The following TMEM223 variants were observed in gnomAD, a reference collection of about 807,000 sequenced individuals.
The protein encoded by TMEM223 is transmembrane protein 223.
Under a neutral mutation model 14.1 loss-of-function variants are expected in TMEM223, and 14 were observed. The ratio of observed to expected loss-of-function variants is 0.99; its 90% CI spans 0.66 to 1.55. The LOEUF is 1.55. Among genes scored for constraint, TMEM223 ranks in the 40% most tolerant of loss-of-function variants. The pLI is 0.00. For missense variants in TMEM223, 346 were observed against 269.9 expected, an observed-to-expected ratio of 1.28 and a Z score of -1.97; for synonymous variants, 145 against 120.5, an observed-to-expected ratio of 1.20 and a Z score of -1.33.
downstream of TMEM223, chr11:62,789,965 C>T (rs775801031): frequency 3.7e-6 from 6 of 1,614,028 alleles, no homozygotes; most frequent in African/African-American, 4.0e-5. Flanking sequence ...GAAGCCACCC[C>T]ATACCGGCCT....
At chr11:62,788,138 C>T (rs868362026), downstream of TMEM223, among the ~76,000 whole-genome samples, 2 of 152,258 alleles carry the variant, frequency 1.3e-5, no homozygotes, top group Non-Finnish European at 2.9e-5. Flanking sequence ...CGCGGTGACT[C>T]ACGCCTGTAA....
Position 62,777,975 on chromosome 11 carries a change from C to T in TMEM223, c.315-3310G>A, listed in dbSNP as rs1288042293. 9.3e-6 allele frequency: 15 copies of T among 1,613,276 alleles called. No individual in the cohort carries two copies. The South Asian group carries it at 1.5e-4, about 17-fold the overall frequency. Reference sequence around the variant, plus strand: ...GCTGCTCTCCAATTCCCTTTTTCCTCAGGCTGTGTGTGGTTACGGATCACA... The same window carrying T: ...GCTGCTCTCCAATTCCCTTTTTCCTTAGGCTGTGTGTGGTTACGGATCACA... On this transcript the variant is annotated intron_variant, in intron 1 of 2. Transcript: ENST00000528367.
intron 1 of TMEM223, among the ~76,000 whole-genome samples, chr11:62,781,109 G>A (rs1181347102): frequency 2.6e-5 from 4 of 151,422 alleles, no homozygotes; most frequent in Admixed American, 6.6e-5. Context: ...GGTGGTGGGC[G>A]CCTGTAATCC....
chr11:62,775,041 C>A (rs544497303), intron 1 of TMEM223, among the ~76,000 whole-genome samples: 1 of 145,604 alleles, frequency 6.9e-6, no homozygotes, highest in Non-Finnish European at 1.5e-5. Flanking sequence ...TCCAGCCTGG[C>A]GCCAGAGCGA....
chr11:62,790,870 A>G lies in TMEM223; in HGVS notation c.362T>C (p.Val121Ala). The G allele has an allele frequency of 6.2e-7, 1 of 1,604,494 alleles. No homozygotes were observed. The highest frequency in any genetic ancestry group is 2.2e-5 in the East Asian group (1 of 44,528). ...TCCAGCTCGAAGCACCACTGAGCGC[A>G]CAGACCGGAGAGAGAAGAGAAGACC... ...GAGLLFSLRS[V>A]RSVVLRAGGQ... The change falls in exon 2 of 2, where the codon GTG (valine) becomes GCG (alanine). Residue 121 changes from valine to alanine, a missense_variant. Transcript: ENST00000307366.
At chr11:62,786,516 G>A (rs2084277595), downstream of TMEM223, 1 of 1,557,462 alleles carries the variant, frequency 6.4e-7, no homozygotes, top group Non-Finnish European at 8.7e-7. Flanking sequence ...GGCTCTTACA[G>A]GTGGCGGTAG....
At chr11:62,777,356 G>A (rs192874509) in intron 1 of TMEM223, among the ~76,000 whole-genome samples, 13 of 152,112 alleles carry the variant, frequency 8.5e-5, no homozygotes, top group Admixed American at 7.2e-4. Context: ...AAGACTAAAC[G>A]CACACATAAG....
chr11:62,786,550 C>G (rs1439886142), downstream of TMEM223: 2 of 1,553,968 alleles, frequency 1.3e-6, no homozygotes, highest in Non-Finnish European at 1.7e-6. Flanking sequence ...GATGAAGGCC[C>G]AGGCAGCAGA....
intron 1 of TMEM223, chr11:62,775,841 A>G: frequency 1.2e-6 from 2 of 1,613,520 alleles, no homozygotes; most frequent in South Asian, 1.1e-5. Context: ...TGTCCGGCTC[A>G]TGGCGGAGAG....
downstream of TMEM223, chr11:62,787,044 C>T (rs2084287251): frequency 6.6e-6 from 10 of 1,518,476 alleles, no homozygotes; most frequent in Non-Finnish European, 8.8e-6. Flanking sequence ...AGCAGGGCCC[C>T]GGGACCGGCA....
At chr11:62,782,618 T>C (rs969083186), downstream of TMEM223, 1 of 1,576,890 alleles carries the variant, frequency 6.3e-7, no homozygotes, top group African/African-American at 1.3e-5. Flanking sequence ...GATGCTATTC[T>C]CTTTGTGTTG....
At chr11:62,781,649 C>A (rs1421471939) in intron 1 of TMEM223, 1 of 352,176 alleles carries the variant, frequency 2.8e-6, no homozygotes, top group Admixed American at 5.2e-5. Flanking sequence ...GGCGACAGAG[C>A]GAGACTCGGT....
chr11:62,786,490 G>T, downstream of TMEM223: 4 of 1,573,586 alleles, frequency 2.5e-6, no homozygotes, highest in Non-Finnish European at 3.5e-6. Flanking sequence ...CGAATTTTTT[G>T]CCTATCTTAG....
chr11:62,779,020 T>G (rs74513426), intron 1 of TMEM223: 2 of 294,864 alleles, frequency 6.8e-6, no homozygotes, highest in South Asian at 6.8e-5. Flanking sequence ...TCTAGACCTG[T>G]TTTTTTTTTT....
chr11:62,790,119 C>T lies in TMEM223; in HGVS notation c.*504G>A. 28 of 1,208,728 alleles carry T rather than the reference C, an allele frequency of 2.3e-5. No homozygotes were observed. The highest frequency in any genetic ancestry group is 1.4e-4 in the South Asian group (8 of 58,758). The allele number at this position is 1,208,728 out of a possible 1,614,324, so 74.9% of individuals were successfully genotyped here. A position where few individuals can be genotyped will look rare whatever the true frequency, so the allele number is the denominator to read the frequency against. ...GCCTGTAATCCCCCCCCTCAAGGCC[C>T]TGTTTATGTTGGGAGTCTTAGTTTT... On this transcript the variant is annotated 3_prime_UTR_variant, in exon 2 of 2. Coordinates refer to ENST00000307366, the MANE Select transcript of TMEM223 (RefSeq NM_001080501.3).
chr11:62,788,385 G>A (rs1169941391), downstream of TMEM223, among the ~76,000 whole-genome samples: 4 of 150,136 alleles, frequency 2.7e-5, no homozygotes, highest in South Asian at 2.1e-4. Context: ...CCTGGGTGAC[G>A]AGCGAATCTC....
At chr11:62,784,753 A>G (rs991989248), downstream of TMEM223, among the ~76,000 whole-genome samples, 30 of 152,186 alleles carry the variant, frequency 2.0e-4, no homozygotes, top group African/African-American at 7.2e-4. Flanking sequence ...TAGTTCCATG[A>G]TACACTAAAC....
intron 1 of TMEM223, chr11:62,781,804 T>G: frequency 9.3e-7 from 1 of 1,076,952 alleles, no homozygotes; most frequent in East Asian, 2.4e-5. Context: ...AAAACATGAA[T>G]AAGGTGATAC....
downstream of TMEM223, chr11:62,786,317 G>A (rs1008981112): frequency 6.2e-7 from 1 of 1,614,196 alleles, no homozygotes. Flanking sequence ...CTTGCAGGCT[G>A]TGCTGGATGA....
Sources: allele counts gnomAD v4.1 joint callset (sites outside exome capture counted in the v4.1 genomes callset), GRCh38; gene constraint gnomAD v4.1.1; transcripts MANE v1.5; gene names NCBI Gene and HGNC (gene_info 2026-07-23, HGNC 2026-07-21).